TIMM22: variants seen among roughly 807,000 people sequenced by gnomAD.
TIMM22 encodes translocase of inner mitochondrial membrane 22.
In TIMM22, 12 loss-of-function variants were observed where a neutral mutation model predicts 18.3. The ratio of observed to expected loss-of-function variants is 0.65; its 90% CI spans 0.42 to 1.06. The LOEUF (loss-of-function observed/expected upper bound fraction) is 1.06, where lower values mean the gene tolerates loss of function less well. Among genes scored for constraint, TIMM22 ranks in the 50% least tolerant of loss-of-function variants. The pLI, the probability that TIMM22 is intolerant of heterozygous loss-of-function variation, is 0.00. For synonymous variants in TIMM22, 107 were observed against 98.5 expected (o/e 1.09, Z -0.51); for missense variants, 278 against 252.8 (o/e 1.10, Z -0.68).
intron 1 of TIMM22, among the ~76,000 whole-genome samples, chr17:997,994 C>T (rs1022033782): frequency 1.7e-4 from 26 of 152,186 alleles, no homozygotes; most frequent in Admixed American, 1.3e-3. Flanking sequence ...GAATGTTGAG[C>T]AGGAACACTG....
At position 998,831 on chromosome 17, in the gene TIMM22, C is replaced by T. The variant is rs761718384; in HGVS notation, c.291C>T (p.Asn97=). 22 of 1,613,998 alleles carry T rather than the reference C, an allele frequency of 1.4e-5. No homozygotes were observed. Among genetic ancestry groups the T allele is most frequent in the African/African-American group, 5.3e-5 (4 of 74,894 alleles). ...TGTTTACCGCTGGCATCGATACCAA[C>T]GTGGGCTTTGACCCTAAGGATCCTT... The part of the protein sequence containing the change: ...FGVFTAGIDT[N]VGFDPKDPYR... Residue 97 remains asparagine, a synonymous_variant, in exon 2 of 4, where the codon AAC becomes AAT. Coordinates refer to ENST00000327158, the MANE Select transcript of TIMM22 (RefSeq NM_013337.4).
chr17:999,552 G>A lies in TIMM22; in HGVS notation c.476G>A (p.Gly159Asp). The A allele has an allele frequency of 6.2e-7, 1 of 1,613,570 alleles. No individual in the cohort carries two copies. Among genetic ancestry groups the A allele is most frequent in the Non-Finnish European group, 8.5e-7 (1 of 1,179,842 alleles). The change falls in exon 3 of 4, where the codon GGC becomes GAC. Residue 159 changes from glycine (G) to aspartate (D), a missense_variant. Gly to Asp is a moderately conservative substitution (Grantham distance 94). Transcript: ENST00000327158. ...GACTGGAAGAACAGTGTCATCAGTG[G>A]CTGCATCACGGGAGGAGCTATTGGT... ...TSDWKNSVISGCITGGAIGFR... is the reference protein window; with the variant it reads ...TSDWKNSVISDCITGGAIGFR...
intron 3 of TIMM22, 104 bp downstream of exon 3, chr17:999,688 C>T (rs1240106061): frequency 1.6e-5 from 17 of 1,067,042 alleles, no homozygotes; most frequent in Admixed American, 2.1e-5. Flanking sequence ...TGATCTTCTT[C>T]CCTCTGACAA....
At position 1,001,145 on chromosome 17, in the gene TIMM22, AG is replaced by A. The variant is rs925751143; in HGVS notation, c.*59del. 1.2e-5 allele frequency: 19 copies of A among 1,585,346 alleles called. No homozygotes were observed. Among genetic ancestry groups the A allele is most frequent in the African/African-American group, 2.7e-5 (2 of 74,288 alleles). ...GCCCCGGATCCGGGCTGCTCTCTGGAGGACAGTTTCTGTACCACACCAGGGC... is the reference window on the plus strand; with the variant it reads ...GCCCCGGATCCGGGCTGCTCTCTGGAGACAGTTTCTGTACCACACCAGGGC... On this transcript the variant is annotated 3_prime_UTR_variant, in exon 4 of 4. Transcript: ENST00000327158.
Position 1,001,242 on chromosome 17 carries a change from T to C in TIMM22, c.*154T>C. 2.5e-6 allele frequency: 2 copies of C among 786,568 alleles called. No individual in the cohort carries two copies. The highest frequency in any genetic ancestry group is 4.1e-6 in the Non-Finnish European group (2 of 490,736). The allele number at this position is 786,568 out of a possible 1,614,324, so 48.7% of individuals were successfully genotyped here. On this transcript the variant is annotated 3_prime_UTR_variant, in exon 4 of 4. Coordinates refer to ENST00000327158, the MANE Select transcript of TIMM22 (RefSeq NM_013337.4). ...TATTCTGAGGGAGCTGCCTGGCTTC[T>C]CTGCCTCCAGCCTTTGGGGTAGCCA...
At chr17:999,938 C>T (rs2069726683) in intron 3 of TIMM22, among the ~76,000 whole-genome samples, 3 of 152,050 alleles carry the variant, frequency 2.0e-5, no homozygotes, top group South Asian at 4.2e-4. Context: ...CTCACTCTGT[C>T]GCCCAGGCTG....
At chr17:997,647 A>C (rs2069697292) in intron 1 of TIMM22, among the ~76,000 whole-genome samples, 1 of 152,170 alleles carries the variant, frequency 6.6e-6, no homozygotes, top group African/African-American at 2.4e-5. Flanking sequence ...CCCCGTCTCT[A>C]CTAAAAATAC....
Position 1,001,223 on chromosome 17 carries a change from G to C in TIMM22, c.*135G>C. The C allele has an allele frequency of 1.0e-6, 1 of 977,500 alleles. No homozygotes were observed. The highest frequency in any genetic ancestry group is 1.6e-6 in the Non-Finnish European group (1 of 644,306). The allele number at this position is 977,500 out of a possible 1,614,324, so 60.6% of individuals were successfully genotyped here. On this transcript the variant is annotated 3_prime_UTR_variant, in exon 4 of 4. Transcript: ENST00000327158. ...TTTTCCCTCATGTCGTTGGTATTCT[G>C]AGGGAGCTGCCTGGCTTCTCTGCCT...
In TIMM22 at chr17:998,906, A is replaced by C; in HGVS notation, c.366A>C (p.Gly122=). The C allele has an allele frequency of 6.2e-7, 1 of 1,614,092 alleles. No homozygotes were observed. The change falls in exon 2 of 4, where the codon GGA becomes GGC. Residue 122 remains glycine, a synonymous_variant. Transcript: ENST00000327158. The stretch of plus-strand genomic sequence containing the variant: ...TGCTGAAAGACATGGGGCAGAGAGG[A>C]ATGTCCTATGCCAAAAATTTCGCCA... The part of the protein sequence containing the change: ...KEVLKDMGQR[G]MSYAKNFAIV...
intron 1 of TIMM22, among the ~76,000 whole-genome samples, chr17:997,597 CTGAAAGTTATTACA>C (rs1419545825): frequency 2.6e-5 from 4 of 152,320 alleles, no homozygotes; most frequent in African/African-American, 9.6e-5. Context: ...TGGTTGGGGC[CTGAAAGTTATTACA>C]TGACATCCTG....
At chr17:998,501 A>G (rs1201834294) in intron 1 of TIMM22, among the ~76,000 whole-genome samples, 1 of 152,230 alleles carries the variant, frequency 6.6e-6, no homozygotes, top group Non-Finnish European at 1.5e-5. Flanking sequence ...TGGCTGGTTT[A>G]CATATGAGAG....
chr17:997,512 G>C, intron 1 of TIMM22, 132 bp downstream of exon 1: 1 of 872,506 alleles, frequency 1.1e-6, no homozygotes, highest in Non-Finnish European at 1.7e-6. Context: ...CGCCTCGTTC[G>C]TGAATCGGGC....
chr17:1,001,406 C>T lies in TIMM22; in HGVS notation c.*318C>T, dbSNP rs138680008. The T allele has an allele frequency of 7.3e-4, 223 of 305,910 alleles. No individual in the cohort carries two copies. The highest frequency in any genetic ancestry group is 9.7e-4 in the Non-Finnish European group (152 of 156,468). 18.9% of individuals were successfully genotyped at this position (305,910 alleles called of 1,614,324 possible). On this transcript the variant is annotated 3_prime_UTR_variant, in exon 4 of 4. Transcript: ENST00000327158. The stretch of plus-strand genomic sequence containing the variant: ...GCTTCAGGCCTGACCACAGCTGGCC[C>T]TCTAGGTTGTTTGGTGTTGTGGGCA...
Position 997,180 on chromosome 17 carries a change from C to G in TIMM22, c.38C>G (p.Pro13Arg). 2 of 1,611,802 alleles carry G rather than the reference C, an allele frequency of 1.2e-6. No homozygotes were observed. Among genetic ancestry groups the G allele is most frequent in the Non-Finnish European group, 8.5e-7 (1 of 1,179,712 alleles). Residue 13 changes from proline (P) to arginine (R), a missense_variant, in exon 1 of 4, where the codon CCT becomes CGT. Coordinates refer to ENST00000327158, the MANE Select transcript of TIMM22 (RefSeq NM_013337.4). Reference sequence around the variant, plus strand: ...GCCCCCAATGCCGGAGGCTCGGCCCCTGAGACAGCGGGTTCCGCCGAAGCT... The same window carrying G: ...GCCCCCAATGCCGGAGGCTCGGCCCGTGAGACAGCGGGTTCCGCCGAAGCT... Reference protein sequence around the residue: ...AAAPNAGGSAPETAGSAEAPL... With the variant: ...AAAPNAGGSARETAGSAEAPL...
Position 1,001,303 on chromosome 17 carries a change from A to G in TIMM22, c.*215A>G. On this transcript the variant is annotated 3_prime_UTR_variant, in exon 4 of 4. Transcript: ENST00000327158. ...CTCCTGGACTCCAGCCAGCCTTCAC[A>G]GAGGACGTCCCGTGCCAGATTCTCT... 4 of 513,256 alleles carry G rather than the reference A, an allele frequency of 7.8e-6. No individual in the cohort carries two copies. In the East Asian group the frequency reaches 1.1e-4, roughly 14 times the overall value. 31.8% of individuals were successfully genotyped at this position (513,256 alleles called of 1,614,324 possible). A position where few individuals can be genotyped will look rare whatever the true frequency, so the allele number is the denominator to read the frequency against.
rs1176680093 is a variant in TIMM22, at chr17:1,001,912, A to ACAC, written c.*825_*827dup. 1 of 152,118 alleles carries ACAC rather than the reference A, an allele frequency of 6.6e-6. No homozygotes were observed. The highest frequency in any genetic ancestry group is 1.5e-5 in the Non-Finnish European group (1 of 68,046). 9.4% of individuals were successfully genotyped at this position (152,118 alleles called of 1,614,324 possible). A position where few individuals can be genotyped will look rare whatever the true frequency, so the allele number is the denominator to read the frequency against. The stretch of plus-strand genomic sequence containing the variant: ...CCCTCCTGTGCCGGCCGAGAGGCAC[A>ACAC]CACTGCCTTCACGACGTGACTGCTG... On this transcript the variant is annotated 3_prime_UTR_variant, in exon 4 of 4. Transcript: ENST00000327158.
rs747930551 is a variant in TIMM22, at chr17:998,960, GTGTT to G, written c.423_426del (p.Cys141Ter). The G allele has an allele frequency of 4.7e-5, 76 of 1,612,802 alleles. No homozygotes were observed. The highest frequency in any genetic ancestry group is 6.0e-5 in the Non-Finnish European group (71 of 1,179,192). On this transcript the variant is annotated frameshift_variant, in exon 2 of 4. Coordinates refer to ENST00000327158, the MANE Select transcript of TIMM22 (RefSeq NM_013337.4). LOFTEE classifies it high-confidence loss of function. ...TGGGAGCCATGTTTTCTTGTACTGA[GTGTT>G]TGATAGAATCTGTAAGTGTCTCTGC...
At position 1,003,573 on chromosome 17, in the gene TIMM22, C is replaced by T. The variant is rs943528022; in HGVS notation, c.*2485C>T. 2.0e-5 allele frequency: 3 copies of T among 152,524 alleles called. No homozygotes were observed. Among genetic ancestry groups the T allele is most frequent in the Non-Finnish European group, 2.9e-5 (2 of 68,044 alleles). 9.4% of individuals were successfully genotyped at this position (152,524 alleles called of 1,614,324 possible). ...ATTTTTTATTAACATTTTCCTCTCA[C>T]GTGGTTTACATCAATTTATAATAAT... is the stretch of plus-strand genomic sequence containing the variant. On this transcript the variant is annotated 3_prime_UTR_variant, in exon 4 of 4. Transcript: ENST00000327158.
Position 1,001,884 on chromosome 17 carries a change from G to A in TIMM22, c.*796G>A, listed in dbSNP as rs948076046. 1.3e-5 allele frequency: 2 copies of A among 152,080 alleles called. No homozygotes were observed. The highest frequency in any genetic ancestry group is 4.8e-5 in the African/African-American group (2 of 41,396). 9.4% of individuals were successfully genotyped at this position (152,080 alleles called of 1,614,324 possible). ...TGAAATCCCATCCATGAACTCGATG[G>A]GCCCCTCCTGTGCCGGCCGAGAGGC... On this transcript the variant is annotated 3_prime_UTR_variant, in exon 4 of 4. Coordinates refer to ENST00000327158, the MANE Select transcript of TIMM22 (RefSeq NM_013337.4).
Sources: gnomAD v4.1 joint callset for allele counts (sites outside exome capture counted in the v4.1 genomes callset) on GRCh38, gnomAD v4.1.1 for gene constraint, MANE v1.5 for transcripts, NCBI Gene and HGNC (gene_info 2026-07-23, HGNC 2026-07-21) for gene names.